THSD7A: variants seen among roughly 807,000 people sequenced by gnomAD.
The protein encoded by THSD7A is thrombospondin type 1 domain containing 7A.
In THSD7A, 96 loss-of-function variants were observed where a neutral mutation model predicts 231.3. The ratio of observed to expected loss-of-function variants is 0.41; its 90% CI spans 0.35 to 0.49. The LOEUF (loss-of-function observed/expected upper bound fraction) is 0.49. THSD7A is among the 20% of genes least tolerant of loss of function. The pLI is 0.05. For missense variants in THSD7A, 2,290 were observed against 2,070.2 expected (o/e 1.11, Z -2.06); for synonymous variants, 940 against 743.3 (o/e 1.26, Z -4.30).
At chr7:11,803,222 G>A (rs1425846601) in intron 1 of THSD7A, among the ~76,000 whole-genome samples, 3 of 152,152 alleles carry the variant, frequency 2.0e-5, no homozygotes, top group African/African-American at 7.2e-5. Context: ...GACCAGACAG[G>A]CTGAGTATTT....
intron 1 of THSD7A, among the ~76,000 whole-genome samples, chr7:11,830,286 T>C (rs1785155533): frequency 6.6e-6 from 1 of 152,228 alleles, no homozygotes; most frequent in Admixed American, 6.5e-5. Flanking sequence ...TTTGCTAGTA[T>C]AAATTTCAAC....
At chr7:11,565,488 G>A (rs1790270395) in intron 4 of THSD7A, among the ~76,000 whole-genome samples, 1 of 152,190 alleles carries the variant, frequency 6.6e-6, no homozygotes, top group Admixed American at 6.5e-5. Context: ...AAGGTTACCT[G>A]TTAGGAGACT....
intron 4 of THSD7A, among the ~76,000 whole-genome samples, chr7:11,582,867 G>A: frequency 6.6e-6 from 1 of 151,762 alleles, no homozygotes; most frequent in East Asian, 1.9e-4. Flanking sequence ...ATTGTCCCTA[G>A]TGTGGGTATT....
At chr7:11,606,250 G>T (rs917812024) in intron 2 of THSD7A, among the ~76,000 whole-genome samples, 1 of 152,106 alleles carries the variant, frequency 6.6e-6, no homozygotes, top group African/African-American at 2.4e-5. Flanking sequence ...ACTTTGAGTG[G>T]CATGTGGCAT....
intron 1 of THSD7A, among the ~76,000 whole-genome samples, chr7:11,735,060 G>A (rs1526537): frequency 0.31 from 47,576 of 151,578 alleles, 7,688 homozygotes; most frequent in Non-Finnish European, 0.34. Flanking sequence ...TTCAAATTCC[G>A]TTTCTGAAAT....
intron 6 of THSD7A, among the ~76,000 whole-genome samples, chr7:11,532,180 G>C (rs1381695040): frequency 2.0e-5 from 3 of 151,836 alleles, no homozygotes; most frequent in Admixed American, 2.0e-4. Context: ...ACATCAGTGG[G>C]GCCAACTTAG....
intron 2 of THSD7A, among the ~76,000 whole-genome samples, chr7:11,624,167 T>C (rs1321106704): frequency 2.0e-5 from 3 of 152,138 alleles, no homozygotes; most frequent in African/African-American, 7.2e-5. Flanking sequence ...ATTGTCTATG[T>C]GGTCTCAATG....
intron 1 of THSD7A, among the ~76,000 whole-genome samples, chr7:11,786,526 T>A (rs1783798438): frequency 6.6e-6 from 1 of 152,022 alleles, no homozygotes; most frequent in African/African-American, 2.4e-5. Context: ...TATGAAAGCA[T>A]TAGAGACTTT....
chr7:11,690,739 T>G (rs1446225145), intron 1 of THSD7A, among the ~76,000 whole-genome samples: 1 of 151,764 alleles, frequency 6.6e-6, no homozygotes, highest in East Asian at 2.0e-4. Context: ...ACTGAGTCAA[T>G]TTCTGTACAA....
rs1232540431 is a variant in THSD7A at position 11,590,852 on chromosome 7, G to C, written c.1272-211C>G. ...GAGGGGTTAAATTTAGGGTGATCCT[G>C]TTTCAATTGCAATTACTGGAAGTTA... On this transcript the variant is annotated intron_variant, in intron 3 of 27. Coordinates refer to ENST00000423059, the MANE Select transcript of THSD7A (RefSeq NM_015204.3). The surrounding 1 kb of genome is among the most constrained non-coding windows in gnomAD (Gnocchi z 4.4). Among the ~76,000 whole-genome samples the C allele has an allele frequency of 6.6e-6, 1 of 152,248 alleles. No individual in the cohort carries two copies. Among genetic ancestry groups the C allele is most frequent in the Non-Finnish European group, 1.5e-5 (1 of 68,014 alleles).
At chr7:11,662,047 A>G (rs1385400609) in intron 1 of THSD7A, among the ~76,000 whole-genome samples, 2 of 151,338 alleles carry the variant, frequency 1.3e-5, no homozygotes, top group Non-Finnish European at 3.0e-5. Flanking sequence ...AGAGAAAGAA[A>G]GGAGAGAAAA....
At position 11,636,961 on chromosome 7, in the gene THSD7A, C is replaced by G. The variant is rs1485067107; in HGVS notation, c.191G>C (p.Gly64Ala). 5 of 1,595,156 alleles carry G rather than the reference C, an allele frequency of 3.1e-6. No homozygotes were observed. The highest frequency in any genetic ancestry group is 4.3e-6 in the Non-Finnish European group (5 of 1,172,486). ...ATCTCCCATACATCGGCCCCATGGA[C>G]CTACAAAAATTATAACACAAAAATT... Reference protein sequence around the residue: ...EAPTLYLWKTGPWGRCMGDEC... With the variant: ...EAPTLYLWKTAPWGRCMGDEC... The change falls in exon 2 of 28, where the codon GGT becomes GCT. Residue 64 changes from glycine to alanine, a missense_variant and splice_region_variant. Physicochemically the swap from Gly to Ala is moderately conservative, Grantham distance 60. Coordinates refer to ENST00000423059, the MANE Select transcript of THSD7A (RefSeq NM_015204.3). This position sits in a 1 kb window ranked among gnomAD's most constrained non-coding sequence, Gnocchi z 10.0.
chr7:11,406,532 C>T lies in THSD7A; in HGVS notation c.4063-58G>A. 9.5e-6 allele frequency: 14 copies of T among 1,475,180 alleles called. No homozygotes were observed. Among genetic ancestry groups the T allele is most frequent in the Non-Finnish European group, 1.3e-5 (14 of 1,100,868 alleles). The allele number at this position is 1,475,180 out of a possible 1,614,324, so 91.4% of individuals were successfully genotyped here. ...AAGAGAAATACTTCATTAGAGAGCT[C>T]ATCACTTAGTTATCTCTGCACCACT... On this transcript the variant is annotated intron_variant, in intron 21 of 27. Coordinates refer to ENST00000423059, the MANE Select transcript of THSD7A (RefSeq NM_015204.3). The surrounding 1 kb of genome is among the most constrained non-coding windows in gnomAD (Gnocchi z 4.7).
chr7:11,594,261 G>A (rs908455979), intron 2 of THSD7A, among the ~76,000 whole-genome samples: 4 of 152,110 alleles, frequency 2.6e-5, no homozygotes, highest in Non-Finnish European at 4.4e-5. Context: ...GTGATCATGT[G>A]AGATAATACT....
chr7:11,436,193 A>T (rs973762229), intron 13 of THSD7A, among the ~76,000 whole-genome samples: 2 of 152,108 alleles, frequency 1.3e-5, no homozygotes, highest in Non-Finnish European at 2.9e-5. Flanking sequence ...TGTCAGGAAT[A>T]CAAACATATT....
At chr7:11,525,451 C>T (rs1348846138) in intron 6 of THSD7A, among the ~76,000 whole-genome samples, 1 of 152,058 alleles carries the variant, frequency 6.6e-6, no homozygotes, top group Non-Finnish European at 1.5e-5. Context: ...ATTTCCAAAA[C>T]ATGAAGCTTA....
intron 1 of THSD7A, among the ~76,000 whole-genome samples, chr7:11,693,417 T>C (rs1327050189): frequency 6.6e-6 from 1 of 151,558 alleles, no homozygotes; most frequent in Non-Finnish European, 1.5e-5. Context: ...ACATACGCTG[T>C]CTACAAATTG....
At chr7:11,728,977 C>A (rs917607409) in intron 1 of THSD7A, among the ~76,000 whole-genome samples, 1 of 151,520 alleles carries the variant, frequency 6.6e-6, no homozygotes, top group Non-Finnish European at 1.5e-5. Context: ...CTAATTTCTA[C>A]CTTAAAAATG....
At chr7:11,830,025 G>A (rs1785149006) in intron 1 of THSD7A, among the ~76,000 whole-genome samples, 1 of 152,168 alleles carries the variant, frequency 6.6e-6, no homozygotes, top group Admixed American at 6.5e-5. Context: ...ACATTTACAT[G>A]CAGTTGAGAA....
Sources: gnomAD v4.1 joint callset for allele counts (sites outside exome capture counted in the v4.1 genomes callset) on GRCh38, gnomAD v4.1.1 for gene constraint, Gnocchi (gnomAD v3.1) non-coding constraint, MANE v1.5 for transcripts, NCBI Gene and HGNC (gene_info 2026-07-23, HGNC 2026-07-21) for gene names.